NOTCH2: variants seen among roughly 807,000 people sequenced by gnomAD.
NOTCH2 encodes neurogenic locus notch homolog protein 2.
In NOTCH2, 29 loss-of-function variants were observed where a neutral mutation model predicts 235.8. That is an observed-to-expected ratio of 0.12 (90% CI 0.09 to 0.17). The LOEUF (loss-of-function observed/expected upper bound fraction) is 0.17. NOTCH2 is among the 10% of genes least tolerant of loss of function. NOTCH2 has a pLI of 1.00. For missense variants in NOTCH2, 2,285 were observed against 3,150.2 expected (o/e 0.73, Z 6.57); for synonymous variants, 1,086 against 1,141.5 (o/e 0.95, Z 0.98).
Position 119,925,226 on chromosome 1 carries a change from A to G in NOTCH2, c.4511+79T>C, listed in dbSNP as rs952133157. The G allele has an allele frequency of 2.4e-5, 38 of 1,568,866 alleles. No homozygotes were observed. The African/African-American group carries it at 3.1e-4, about 13-fold the overall frequency. On this transcript the variant is annotated intron_variant, in intron 25 of 33. Coordinates refer to ENST00000256646, the MANE Select transcript of NOTCH2 (RefSeq NM_024408.4). ...GAGGCAGCTTAGGCTGAAGCACTGG[A>G]GTGGTTAGGAGCAAGAACGAGAAAC...
chr1:119,911,820 A>G lies in NOTCH2; in HGVS notation c.*3486T>C, dbSNP rs756006565. The stretch of plus-strand genomic sequence containing the variant: ...AGCAACCATCTGTTTGTCACCAGCT[A>G]TGGCTAGTGCACAGAAGAGTGCTCA... On this transcript the variant is annotated 3_prime_UTR_variant, in exon 34 of 34. Transcript: ENST00000256646. The G allele has an allele frequency of 3.0e-5, 7 of 233,150 alleles. No individual in the cohort carries two copies. The highest frequency in any genetic ancestry group is 1.1e-4 in the Admixed American group (2 of 17,780). The allele number at this position is 233,150 out of a possible 1,614,324, so 14.4% of individuals were successfully genotyped here.
chr1:119,941,985 T>C (rs1342316849), intron 17 of NOTCH2, among the ~76,000 whole-genome samples: 1 of 152,222 alleles, frequency 6.6e-6, no homozygotes, highest in Non-Finnish European at 1.5e-5. Context: ...ACCAACAGTT[T>C]TGTAAAATTA....
chr1:120,046,491 CAT>C (rs1170141294), intron 1 of NOTCH2, among the ~76,000 whole-genome samples: 1 of 6,994 alleles, frequency 1.4e-4, no homozygotes, highest in African/African-American at 8.9e-4. Context: ...TGGCCCTGCA[CAT>C]GTCATTCTTC....
At chr1:119,978,204 ATAGGC>A (rs775241954) in intron 5 of NOTCH2, among the ~76,000 whole-genome samples, 90 of 152,234 alleles carry the variant, frequency 5.9e-4, no homozygotes, top group Non-Finnish European at 4.3e-4. Context: ...GGCAGAAAGC[ATAGGC>A]TTGAGTTGAA....
rs969386008 is a variant in NOTCH2 at position 119,913,173 on chromosome 1, T to C, written c.*2133A>G. The C allele has an allele frequency of 6.0e-5, 14 of 233,156 alleles. No individual in the cohort carries two copies. The highest frequency in any genetic ancestry group is 1.7e-4 in the Admixed American group (3 of 17,784). 14.4% of individuals were successfully genotyped at this position (233,156 alleles called of 1,614,324 possible). A position where few individuals can be genotyped will look rare whatever the true frequency, so the allele number is the denominator to read the frequency against. On this transcript the variant is annotated 3_prime_UTR_variant, in exon 34 of 34. Transcript: ENST00000256646. ...TTAGAATGATAAAATGTTTGCACAC[T>C]ATGAAAGAGGCTGACAGAATGTTGC...
At chr1:120,014,444 C>T (rs1653344442) in intron 2 of NOTCH2, among the ~76,000 whole-genome samples, 1 of 151,448 alleles carries the variant, frequency 6.6e-6, no homozygotes, top group Non-Finnish European at 1.5e-5. Context: ...TTGAGAGGTC[C>T]ACATTTCCAT....
Position 119,915,633 on chromosome 1 carries a change from C to T in NOTCH2, c.7089G>A (p.Gly2363=), listed in dbSNP as rs587767909. 4 of 1,614,018 alleles carry T rather than the reference C, an allele frequency of 2.5e-6. No homozygotes were observed. The highest frequency in any genetic ancestry group is 2.2e-5 in the South Asian group (2 of 91,082). The part of the protein sequence containing the change: ...FPTAMMPQQD[G]QVAQTILPAY... Reference sequence around the variant, plus strand: ...CTGGGAGAATGGTCTGAGCTACCTGCCCGTCCTGCTGGGGCATCATGGCAG... The same window carrying T: ...CTGGGAGAATGGTCTGAGCTACCTGTCCGTCCTGCTGGGGCATCATGGCAG... The change falls in exon 34 of 34, where the codon GGG becomes GGA. Residue 2363 remains glycine (G), a synonymous_variant. Coordinates refer to ENST00000256646, the MANE Select transcript of NOTCH2 (RefSeq NM_024408.4).
rs760004891 is a variant in NOTCH2 at position 119,915,723 on chromosome 1, C to A, written c.6999G>T (p.Ala2333=). 5.0e-6 allele frequency: 8 copies of A among 1,608,160 alleles called. No homozygotes were observed. The highest frequency in any genetic ancestry group is 1.3e-5 in the African/African-American group (1 of 74,980). Reference sequence around the variant, plus strand: ...TCTGGTACATGGTGGGCAGGGGGCCCGCAACAGCTGGAGGGCAGGTGGACT... The same window carrying A: ...TCTGGTACATGGTGGGCAGGGGGCCAGCAACAGCTGGAGGGCAGGTGGACT... ...QPQSTCPPAV[A]GPLPTMYQIP... Residue 2333 remains alanine (A), a synonymous_variant, in exon 34 of 34, where the codon GCG becomes GCT. Coordinates refer to ENST00000256646, the MANE Select transcript of NOTCH2 (RefSeq NM_024408.4).
chr1:119,917,798 C>T, intron 32 of NOTCH2, 36 bp from the exon 33 acceptor site: 1 of 1,224,320 alleles, frequency 8.2e-7, no homozygotes, highest in Non-Finnish European at 1.2e-6. Flanking sequence ...ACAGACATAT[C>T]CTACTCTTAG....
chr1:119,965,085 G>A (rs1651085720), intron 10 of NOTCH2, among the ~76,000 whole-genome samples: 1 of 151,748 alleles, frequency 6.6e-6, no homozygotes, highest in Non-Finnish European at 1.5e-5. Flanking sequence ...TCAGTCACTT[G>A]CTTCAAGAAA....
chr1:119,974,511 T>C (rs1172483437), intron 5 of NOTCH2, among the ~76,000 whole-genome samples: 1 of 152,216 alleles, frequency 6.6e-6, no homozygotes, highest in East Asian at 1.9e-4. Context: ...CCTTAAACAC[T>C]GAGTGCCACC....
At chr1:119,979,335 G>T (rs1651722029) in intron 5 of NOTCH2, among the ~76,000 whole-genome samples, 1 of 152,108 alleles carries the variant, frequency 6.6e-6, no homozygotes. Flanking sequence ...GAAAAAGAAG[G>T]CAGGGAGCCC....
At chr1:119,963,833 T>A (rs1553199325) in intron 10 of NOTCH2, 26 bp from the exon 11 acceptor site, 1 of 1,592,654 alleles carries the variant, frequency 6.3e-7, no homozygotes, top group Non-Finnish European at 8.6e-7. Flanking sequence ...TATCAAGGAT[T>A]CTCAAAGACC....
intron 17 of NOTCH2, among the ~76,000 whole-genome samples, chr1:119,942,147 A>G (rs1553196554): frequency 6.6e-6 from 1 of 152,174 alleles, no homozygotes. Context: ...TTTTCCAGGC[A>G]TATTAATTAT....
chr1:119,916,494 C>T lies in NOTCH2; in HGVS notation c.6228G>A (p.Leu2076=). Residue 2076 remains leucine, a synonymous_variant, in exon 34 of 34, where the codon TTG becomes TTA. Coordinates refer to ENST00000256646, the MANE Select transcript of NOTCH2 (RefSeq NM_024408.4). The part of the protein sequence containing the change: ...NVTPSPPGTV[L]TSALSPVICG... ...AGATGACAGGTGAGAGAGCAGAAGT[C>T]AACACGGTGCCTGGAGGGCTTGGGG... 5.0e-6 allele frequency: 8 copies of T among 1,612,404 alleles called. No homozygotes were observed. Among genetic ancestry groups the T allele is most frequent in the Non-Finnish European group, 6.8e-6 (8 of 1,178,548 alleles).
chr1:119,932,484 C>T (rs980431575), intron 22 of NOTCH2, among the ~76,000 whole-genome samples: 3 of 152,008 alleles, frequency 2.0e-5, no homozygotes, highest in East Asian at 1.9e-4. Flanking sequence ...CTACTCAGGG[C>T]GCTGAGGCAG....
chr1:119,934,641 G>A (rs587662203), intron 22 of NOTCH2, among the ~76,000 whole-genome samples: 2 of 152,222 alleles, frequency 1.3e-5, no homozygotes, highest in South Asian at 2.1e-4. Flanking sequence ...ACCTGGGGTG[G>A]CAAATTATCA....
At chr1:119,972,458 T>C (rs1443910395) in intron 5 of NOTCH2, among the ~76,000 whole-genome samples, 1 of 152,232 alleles carries the variant, frequency 6.6e-6, no homozygotes, top group African/African-American at 2.4e-5. Flanking sequence ...TTGCTGAATG[T>C]GAACAATTTA....
chr1:120,055,723 C>T (rs587767270), intron 1 of NOTCH2, among the ~76,000 whole-genome samples: 2 of 152,076 alleles, frequency 1.3e-5, no homozygotes, highest in Admixed American at 6.5e-5. Context: ...AAAATAAAAA[C>T]CTGACAACCC....
Sources: allele counts gnomAD v4.1 joint callset (sites outside exome capture counted in the v4.1 genomes callset), GRCh38; gene constraint gnomAD v4.1.1; transcripts MANE v1.5; gene names NCBI Gene and HGNC (gene_info 2026-07-23, HGNC 2026-07-21).